The following PTP4A1 variants were observed in gnomAD, a reference collection of about 807,000 sequenced individuals.
PTP4A1 encodes protein tyrosine phosphatase 4A1.
PTP4A1 carries 9 observed loss-of-function variants against 20.5 expected under a neutral mutation model. The observed-to-expected ratio is 0.44, with a 90% CI of 0.26 to 0.77. PTP4A1 has a LOEUF of 0.77. PTP4A1 is among the 30% of genes least tolerant of loss of function. The pLI is 0.19. For synonymous variants in PTP4A1, 78 were observed against 67.4 expected (o/e 1.16, Z -0.77); for missense variants, 137 against 218.8 (o/e 0.63, Z 2.36).
At chr6:63,579,900 ACTGATGTGC>A (rs1561916175) in intron 5 of PTP4A1, among the ~76,000 whole-genome samples, 148 bp from the exon 6 acceptor site, 1 of 152,216 alleles carries the variant, frequency 6.6e-6, no homozygotes, top group African/African-American at 2.4e-5. Context: ...TTCCATTTAC[ACTGATGTGC>A]CTGTTCATAT....
upstream of PTP4A1, chr6:63,572,356 T>G: frequency 7.1e-6 from 2 of 282,652 alleles, no homozygotes; most frequent in Non-Finnish European, 1.3e-5. Flanking sequence ...CGGAGTGACG[T>G]CCGGAGGGGG....
At chr6:63,525,515 C>G (rs1048491878) in intron 1 of PTP4A1, among the ~76,000 whole-genome samples, 2 of 152,200 alleles carry the variant, frequency 1.3e-5, no homozygotes, top group African/African-American at 4.8e-5. Context: ...ATTTCCCCAT[C>G]TCCCAGAACC....
chr6:63,578,517 T>C lies in PTP4A1; in HGVS notation c.186T>C (p.Gly62=), dbSNP rs772079927. ...ACACTACTCTTGTGGAGAAAGAAGG[T>C]ATCCATGTTCTTGTAAGTATTTAAC... The part of the protein sequence containing the change: ...TYDTTLVEKE[G]IHVLDWPFDD... Residue 62 remains glycine (G), a synonymous_variant, in exon 3 of 6, where the codon GGT becomes GGC. Transcript: ENST00000626021. The C allele has an allele frequency of 1.2e-6, 2 of 1,611,610 alleles. No homozygotes were observed. The highest frequency in any genetic ancestry group is 1.7e-6 in the Non-Finnish European group (2 of 1,179,222).
chr6:63,518,588 A>G (rs1774814188), upstream of PTP4A1, among the ~76,000 whole-genome samples: 1 of 152,118 alleles, frequency 6.6e-6, no homozygotes, highest in Non-Finnish European at 1.5e-5. Flanking sequence ...AAGAAATGTA[A>G]TGCTCAGTGA....
chr6:63,572,502 C>T lies in PTP4A1; in HGVS notation c.-663C>T, dbSNP rs918578456. ...GGCGCCTCGGCGCGTGTATTGGCTC[C>T]TTCGGCTGCGGGCCGGCTCGGCTAC... On this transcript the variant is annotated 5_prime_UTR_variant, in exon 1 of 6. Transcript: ENST00000626021. 1 of 390,368 alleles carries T rather than the reference C, an allele frequency of 2.6e-6. No homozygotes were observed. The highest frequency in any genetic ancestry group is 2.1e-5 in the African/African-American group (1 of 48,184). The allele number at this position is 390,368 out of a possible 1,614,324, so 24.2% of individuals were successfully genotyped here. A position where few individuals can be genotyped will look rare whatever the true frequency, so the allele number is the denominator to read the frequency against.
chr6:63,528,762 C>CA (rs896138075), intron 2 of PTP4A1, among the ~76,000 whole-genome samples: 11 of 148,594 alleles, frequency 7.4e-5, no homozygotes, highest in Admixed American at 5.4e-4. Flanking sequence ...GACCCTGTCT[C>CA]AAAAAAAAGC....
rs568763934 is a variant in PTP4A1 at position 63,572,647 on chromosome 6, C to T, written c.-518C>T. On this transcript the variant is annotated 5_prime_UTR_variant, in exon 1 of 6. Transcript: ENST00000626021. ...GCCTCCTGCCCTGCAGCCACCGCCA[C>T]CGCCTGTGTCGCCGCCGCCTCGGGA... is the stretch of plus-strand genomic sequence containing the variant. 4.8e-6 allele frequency: 2 copies of T among 414,220 alleles called. No homozygotes were observed. Among genetic ancestry groups the T allele is most frequent in the African/African-American group, 2.0e-5 (1 of 48,844 alleles). The allele number at this position is 414,220 out of a possible 1,614,324, so 25.7% of individuals were successfully genotyped here.
intron 2 of PTP4A1, chr6:63,549,028 CGTCGTGTG>C (rs1459616857): frequency 2.7e-6 from 2 of 727,326 alleles, no homozygotes; most frequent in Admixed American, 3.8e-5. Context: ...ATGGGATCCA[CGTCGTGTG>C]CAATCACCAC....
upstream of PTP4A1, among the ~76,000 whole-genome samples, chr6:63,567,834 A>G (rs767666454): frequency 1.3e-5 from 2 of 152,234 alleles, no homozygotes; most frequent in Non-Finnish European, 2.9e-5. Context: ...GTTCTTGGCT[A>G]AATCTTCTCA....
At chr6:63,579,809 A>G (rs1778106205) in intron 5 of PTP4A1, among the ~76,000 whole-genome samples, 1 of 152,200 alleles carries the variant, frequency 6.6e-6, no homozygotes, top group Non-Finnish European at 1.5e-5. Flanking sequence ...TCGTGGACTT[A>G]CGTGTAAATG....
chr6:63,580,315 T>A lies in PTP4A1; in HGVS notation c.*141T>A, dbSNP rs1488923586. 1.0e-5 allele frequency: 7 copies of A among 694,364 alleles called. No individual in the cohort carries two copies. The highest frequency in any genetic ancestry group is 8.9e-5 in the African/African-American group (5 of 56,030). The allele number at this position is 694,364 out of a possible 1,614,324, so 43.0% of individuals were successfully genotyped here. On this transcript the variant is annotated 3_prime_UTR_variant, in exon 6 of 6. Coordinates refer to ENST00000626021, the MANE Select transcript of PTP4A1 (RefSeq NM_003463.5). Reference sequence around the variant, plus strand: ...AAGGCAGTTTTACCAGGCCTCAAGCTAGACAGATTTGGCAACCTCTGTATT... The same window carrying A: ...AAGGCAGTTTTACCAGGCCTCAAGCAAGACAGATTTGGCAACCTCTGTATT...
chr6:63,533,473 A>G (rs1485118062), intron 2 of PTP4A1, among the ~76,000 whole-genome samples: 2 of 152,238 alleles, frequency 1.3e-5, no homozygotes, highest in Non-Finnish European at 2.9e-5. Context: ...AATAAAGGCT[A>G]GAACAGAGCT....
At chr6:63,544,968 A>T (rs1020241657) in intron 2 of PTP4A1, among the ~76,000 whole-genome samples, 2 of 152,324 alleles carry the variant, frequency 1.3e-5, no homozygotes, top group South Asian at 2.1e-4. Context: ...TCAAACTTTC[A>T]TGCACTAGTT....
chr6:63,558,421 C>A (rs1776780429), intron 3 of PTP4A1, among the ~76,000 whole-genome samples: 1 of 152,004 alleles, frequency 6.6e-6, no homozygotes, highest in Admixed American at 6.5e-5. Flanking sequence ...AATGTGGTAG[C>A]CAGTCAGACA....
In PTP4A1 at chr6:63,580,794, G is replaced by A. The variant is rs1778181328; in HGVS notation, c.*620G>A. On this transcript the variant is annotated 3_prime_UTR_variant, in exon 6 of 6. Transcript: ENST00000626021. ...CGTGTTTCCATGTATCTCACTTTGT[G>A]CTGTATTAAAAAAACCTCCATTTTG... 1 of 149,294 alleles carries A rather than the reference G, an allele frequency of 6.7e-6. No individual in the cohort carries two copies. The highest frequency in any genetic ancestry group is 6.7e-5 in the Admixed American group (1 of 14,888). 9.2% of individuals were successfully genotyped at this position (149,294 alleles called of 1,614,324 possible). A position where few individuals can be genotyped will look rare whatever the true frequency, so the allele number is the denominator to read the frequency against.
intron 2 of PTP4A1, among the ~76,000 whole-genome samples, chr6:63,545,763 C>G (rs537905635): frequency 1.3e-5 from 2 of 152,032 alleles, no homozygotes; most frequent in South Asian, 4.1e-4. Context: ...TAGACGTGCT[C>G]AAAATTCAAT....
chr6:63,556,577 A>G (rs1052645689), intron 3 of PTP4A1, among the ~76,000 whole-genome samples: 3 of 152,216 alleles, frequency 2.0e-5, no homozygotes, highest in African/African-American at 7.2e-5. Context: ...CTCATAATGC[A>G]TAATGGGAGG....
chr6:63,574,448 CTA>C (rs900365656), intron 1 of PTP4A1, among the ~76,000 whole-genome samples: 3 of 152,166 alleles, frequency 2.0e-5, no homozygotes, highest in African/African-American at 7.2e-5. Flanking sequence ...GAACAGAAAT[CTA>C]TCGGTGGCCA....
At chr6:63,565,133 C>G (rs1237278554) in intron 3 of PTP4A1, among the ~76,000 whole-genome samples, 1 of 152,152 alleles carries the variant, frequency 6.6e-6, no homozygotes, top group African/African-American at 2.4e-5. Context: ...CCACCTCAAC[C>G]TCCGAGGGAG....
Sources: allele counts gnomAD v4.1 joint callset (sites outside exome capture counted in the v4.1 genomes callset), GRCh38; gene constraint gnomAD v4.1.1; transcripts MANE v1.5; gene names NCBI Gene and HGNC (gene_info 2026-07-23, HGNC 2026-07-21).